PRIM2: variants seen among roughly 807,000 people sequenced by gnomAD.
PRIM2 encodes DNA primase large subunit.
Under a neutral mutation model 67.3 loss-of-function variants are expected in PRIM2, and 39 were observed. That is an observed-to-expected ratio of 0.58 (90% confidence interval 0.45 to 0.76). The LOEUF is 0.76. Ranked by LOEUF, PRIM2 falls within the 30% of genes least tolerant of loss-of-function variation. PRIM2 has a pLI of 0.00. For missense variants in PRIM2, 398 were observed against 598.7 expected, an observed-to-expected ratio of 0.66 and a Z score of 3.50; for synonymous variants, 143 against 198.7, an observed-to-expected ratio of 0.72 and a Z score of 2.36.
At chr6:57,263,474 C>G in the PRIM2 span, among the ~76,000 whole-genome samples, 2 of 152,308 alleles carry the variant, frequency 1.3e-5, no homozygotes, top group East Asian at 1.9e-4. Context: ...TGATGTTGCA[C>G]AGTCATCTTC....
At chr6:57,573,945 T>C (rs1332366560) in intron 10 of PRIM2, among the ~76,000 whole-genome samples, 1 of 151,916 alleles carries the variant, frequency 6.6e-6, no homozygotes, top group Non-Finnish European at 1.5e-5. Flanking sequence ...AATCTATTAC[T>C]CAGAAACTTT....
upstream of PRIM2, among the ~76,000 whole-genome samples, chr6:57,311,430 G>C (rs1055534524): frequency 3.4e-5 from 5 of 147,994 alleles, no homozygotes; most frequent in Non-Finnish European, 7.5e-5. Context: ...CTTCCCATTC[G>C]GGGCAGCCGG....
chr6:57,431,677 A>G (rs1771834848), intron 7 of PRIM2, among the ~76,000 whole-genome samples: 1 of 152,114 alleles, frequency 6.6e-6, no homozygotes, highest in African/African-American at 2.4e-5. Context: ...GTTTTGTTTG[A>G]GCAGTTCATT....
At position 57,430,435 on chromosome 6, in the gene PRIM2, G is replaced by A. The variant is rs868078325; in HGVS notation, c.693+48267G>A. On this transcript the variant is annotated intron_variant, in intron 7 of 13. Coordinates refer to ENST00000615550, the MANE Select transcript of PRIM2 (RefSeq NM_000947.5). ...TATGTAATGTTAGCTTTGTATAGGA[G>A]TTTCTTTCTTTGTTTTTTTTTTTTT... Among the ~76,000 whole-genome samples the A allele has an allele frequency of 3.4e-3, 488 of 142,726 alleles. 5 individuals are homozygous for A. Among genetic ancestry groups the A allele is most frequent in the African/African-American group, 0.012 (474 of 38,406 alleles). 93.6% of individuals were successfully genotyped at this position (142,726 alleles called of 152,430 possible).
At chr6:57,550,716 T>A (rs1477840076) in intron 10 of PRIM2, among the ~76,000 whole-genome samples, 12 of 152,176 alleles carry the variant, frequency 7.9e-5, no homozygotes, top group African/African-American at 2.9e-4. Context: ...TATTCAACAT[T>A]TTAAAAGGTG....
Position 57,537,425 on chromosome 6 carries a change from A to G in PRIM2, c.835-15A>G, listed in dbSNP as rs1581976535. ...CTTCCACTTAACTTAAAACTCTACT[A>G]TTTTTTTCTTGTAGCTTTCTACCAA... On this transcript the variant is annotated splice_polypyrimidine_tract_variant and intron_variant, in intron 9 of 13. Coordinates refer to ENST00000615550, the MANE Select transcript of PRIM2 (RefSeq NM_000947.5). 7.6e-6 allele frequency: 10 copies of G among 1,320,166 alleles called. No individual in the cohort carries two copies. Among genetic ancestry groups the G allele is most frequent in the South Asian group, 3.2e-5 (2 of 63,322 alleles). 81.8% of individuals were successfully genotyped at this position (1,320,166 alleles called of 1,614,324 possible).
At chr6:57,591,814 A>G (rs1425946992) in intron 10 of PRIM2, among the ~76,000 whole-genome samples, 22 of 151,942 alleles carry the variant, frequency 1.4e-4, no homozygotes, top group African/African-American at 5.3e-4. Context: ...GAATCCCATT[A>G]CTACGTATAT....
At chr6:57,262,850 A>G in the PRIM2 span, among the ~76,000 whole-genome samples, 1 of 152,190 alleles carries the variant, frequency 6.6e-6, no homozygotes, top group Non-Finnish European at 1.5e-5. Flanking sequence ...GAAAGGGAAC[A>G]GATGCTTTGC....
chr6:57,391,819 G>A (rs1770357731), intron 7 of PRIM2, among the ~76,000 whole-genome samples: 1 of 152,074 alleles, frequency 6.6e-6, no homozygotes, highest in East Asian at 1.9e-4. Flanking sequence ...TGTTCTTTCT[G>A]CTTAGGATTG....
intron 8 of PRIM2, among the ~76,000 whole-genome samples, chr6:57,525,945 T>A (rs1465365745): frequency 1.3e-5 from 2 of 152,312 alleles, no homozygotes; most frequent in African/African-American, 2.4e-5. Flanking sequence ...GGTGTTTTTT[T>A]ATTTATTTGT....
chr6:57,644,675 C>T (rs1342358258), intron 13 of PRIM2, among the ~76,000 whole-genome samples: 97 of 152,200 alleles, frequency 6.4e-4, no homozygotes, highest in African/African-American at 2.1e-3. Flanking sequence ...CACTTCAGTA[C>T]GAAGAGTGAG....
intron 5 of PRIM2, among the ~76,000 whole-genome samples, chr6:57,336,517 C>G (rs1047331915): frequency 5.3e-5 from 8 of 152,172 alleles, no homozygotes; most frequent in African/African-American, 1.2e-4. Context: ...TCTCTCGGCA[C>G]AAACTCTCCA....
At chr6:57,390,858 T>C (rs888815914) in intron 7 of PRIM2, among the ~76,000 whole-genome samples, 52 of 152,300 alleles carry the variant, frequency 3.4e-4, no homozygotes, top group Non-Finnish European at 1.6e-4. Flanking sequence ...GGTGTACATA[T>C]GTCTTGATGG....
At chr6:57,625,780 A>G (rs1196444349) in intron 12 of PRIM2, among the ~76,000 whole-genome samples, 1 of 152,208 alleles carries the variant, frequency 6.6e-6, no homozygotes, top group African/African-American at 2.4e-5. Context: ...TTGACATATA[A>G]TGTTTTAAAG....
chr6:57,422,738 A>G (rs1460905197), intron 7 of PRIM2, among the ~76,000 whole-genome samples: 4 of 152,088 alleles, frequency 2.6e-5, no homozygotes, highest in Admixed American at 1.3e-4. Flanking sequence ...CTAGTATACA[A>G]ATGATAGGGT....
intron 5 of PRIM2, among the ~76,000 whole-genome samples, chr6:57,349,791 TA>T (rs1249263501): frequency 1.3e-5 from 2 of 152,138 alleles, no homozygotes; most frequent in Admixed American, 1.3e-4. Flanking sequence ...TTTCTCTTTT[TA>T]AAAAAAGATA....
chr6:57,596,098 G>A (rs1367751818), intron 10 of PRIM2, among the ~76,000 whole-genome samples: 2 of 137,862 alleles, frequency 1.5e-5, no homozygotes, highest in Non-Finnish European at 3.1e-5. Context: ...TATTAGAACA[G>A]AAGATGCACC....
the PRIM2 span, among the ~76,000 whole-genome samples, chr6:57,285,898 C>T: frequency 6.6e-6 from 1 of 152,186 alleles, no homozygotes; most frequent in Non-Finnish European, 1.5e-5. Flanking sequence ...TGATAAAGAG[C>T]TTTGGCAAAG....
At chr6:57,331,718 C>G (rs559376069) in intron 5 of PRIM2, among the ~76,000 whole-genome samples, 6 of 151,872 alleles carry the variant, frequency 4.0e-5, no homozygotes, top group African/African-American at 1.4e-4. Context: ...CTTTTGATTT[C>G]TTTAAGAAAA....
Sources: gnomAD v4.1 joint callset for allele counts (sites outside exome capture counted in the v4.1 genomes callset) on GRCh38, gnomAD v4.1.1 for gene constraint, MANE v1.5 for transcripts, NCBI Gene and HGNC (gene_info 2026-07-23, HGNC 2026-07-21) for gene names.